The following RBPMS variants were observed in gnomAD, a reference collection of about 807,000 sequenced individuals.
RBPMS encodes RNA binding protein, mRNA processing factor.
RBPMS carries 7 observed loss-of-function variants against 26.8 expected under a neutral mutation model. That is an observed-to-expected ratio of 0.26 (90% CI 0.15 to 0.49). The LOEUF is 0.49. Ranked by LOEUF, RBPMS falls within the 20% of genes least tolerant of loss-of-function variation. The probability of loss-of-function intolerance (pLI) is 0.98; values close to 1 mark genes in which losing one functional copy is unlikely to be tolerated. For synonymous variants in RBPMS, 96 were observed against 93.3 expected, an observed-to-expected ratio of 1.03 and a Z score of -0.17; for missense variants, 186 against 250.0, an observed-to-expected ratio of 0.74 and a Z score of 1.73.
At chr8:30,392,940 A>G (rs1807956725) in intron 1 of RBPMS, among the ~76,000 whole-genome samples, 1 of 152,194 alleles carries the variant, frequency 6.6e-6, no homozygotes, top group African/African-American at 2.4e-5. Context: ...CTGATAATTG[A>G]AAGCGTGCAT....
intron 7 of RBPMS, 109 bp from the exon 8 acceptor site, chr8:30,566,148 G>A (rs578182829): frequency 6.8e-6 from 3 of 444,272 alleles, no homozygotes; most frequent in African/African-American, 4.3e-5. Flanking sequence ...CTCTTTCGGC[G>A]TTGCCTCTCT....
At chr8:30,411,796 C>G (rs1355882045) in intron 1 of RBPMS, among the ~76,000 whole-genome samples, 3 of 151,868 alleles carry the variant, frequency 2.0e-5, no homozygotes, top group Non-Finnish European at 4.4e-5. Context: ...TAGCCTTGCC[C>G]ACATGGTGAA....
intron 4 of RBPMS, among the ~76,000 whole-genome samples, chr8:30,484,562 C>T (rs1238371470): frequency 6.6e-6 from 1 of 152,044 alleles, no homozygotes; most frequent in African/African-American, 2.4e-5. Context: ...CTCAGACTTC[C>T]ATTGCAAAGA....
chr8:30,538,203 G>A lies in RBPMS; in HGVS notation c.398-6291G>A, dbSNP rs150347224. Among the ~76,000 whole-genome samples the A allele has an allele frequency of 5.3e-3, 802 of 152,244 alleles. 10 individuals are homozygous for A. The highest frequency in any genetic ancestry group is 0.018 in the African/African-American group (747 of 41,542). ...GTTCCCTGTACAGAACACAAAAACC[G>A]CCATGGTAATTAGTGCTGGGTGGTG... On this transcript the variant is annotated intron_variant, in intron 5 of 8. Transcript: ENST00000397323.
chr8:30,462,618 A>G (rs1398417196), intron 1 of RBPMS, among the ~76,000 whole-genome samples: 1 of 151,944 alleles, frequency 6.6e-6, no homozygotes, highest in Non-Finnish European at 1.5e-5. Context: ...ACGAGGTTTC[A>G]CCATGCACCA....
rs77066499 is a variant in RBPMS at position 30,535,567 on chromosome 8, A to G, written c.398-8927A>G. Among the ~76,000 whole-genome samples the G allele has an allele frequency of 8.0e-3, 1,223 of 152,330 alleles. 37 individuals carry two copies. The highest frequency in any genetic ancestry group is 0.055 in the Admixed American group (838 of 15,302). ...ATTAGATCAGCTTCATTAATTATCA[A>G]AGAAATCTACATTAAAATAATAGAC... On this transcript the variant is annotated intron_variant, in intron 5 of 8. Coordinates refer to ENST00000397323, the MANE Select transcript of RBPMS (RefSeq NM_001008710.3).
chr8:30,475,618 GATC>G (rs745605822), intron 2 of RBPMS, among the ~76,000 whole-genome samples: 8 of 152,216 alleles, frequency 5.3e-5, no homozygotes, highest in Non-Finnish European at 1.0e-4. Flanking sequence ...TCTGGTTAAA[GATC>G]ATTCTCACTG....
intron 6 of RBPMS, among the ~76,000 whole-genome samples, chr8:30,549,058 C>T (rs1192269433): frequency 6.6e-6 from 1 of 152,182 alleles, no homozygotes; most frequent in Non-Finnish European, 1.5e-5. Context: ...GCATGGGAGG[C>T]TCACAAGGCA....
At chr8:30,523,031 C>T (rs918419241) in intron 5 of RBPMS, among the ~76,000 whole-genome samples, 1 of 151,894 alleles carries the variant, frequency 6.6e-6, no homozygotes, top group Non-Finnish European at 1.5e-5. Flanking sequence ...TTTTCCTATC[C>T]CTCAAAATTA....
intron 4 of RBPMS, among the ~76,000 whole-genome samples, chr8:30,493,489 A>G (rs546845467): frequency 6.6e-6 from 1 of 152,058 alleles, no homozygotes; most frequent in South Asian, 2.1e-4. Context: ...GGATGTTTTT[A>G]TGCCTACCAG....
intron 7 of RBPMS, chr8:30,561,950 C>T (rs1827524227): frequency 8.1e-6 from 8 of 985,356 alleles, no homozygotes; most frequent in Middle Eastern, 5.2e-4. Context: ...ACAGACCCTT[C>T]AGCAATGGCT....
intron 1 of RBPMS, among the ~76,000 whole-genome samples, chr8:30,418,886 C>T (rs1810402551): frequency 6.6e-6 from 1 of 152,126 alleles, no homozygotes; most frequent in African/African-American, 2.4e-5. Context: ...GGTACTCATG[C>T]ACATGAGTAC....
At chr8:30,512,664 G>C (rs1821843623) in intron 5 of RBPMS, among the ~76,000 whole-genome samples, 1 of 152,080 alleles carries the variant, frequency 6.6e-6, no homozygotes, top group Non-Finnish European at 1.5e-5. Flanking sequence ...ATCTCGCTGT[G>C]TCTCTAACTT....
chr8:30,511,789 T>C (rs1585714739), intron 5 of RBPMS, among the ~76,000 whole-genome samples: 1 of 151,240 alleles, frequency 6.6e-6, no homozygotes, highest in East Asian at 2.0e-4. Flanking sequence ...GCACCATTCC[T>C]CTGCAGCCTG....
chr8:30,547,556 G>A (rs774273945), intron 6 of RBPMS: 7 of 1,351,668 alleles, frequency 5.2e-6, no homozygotes, highest in Non-Finnish European at 6.0e-6. Flanking sequence ...TCATGGTGAT[G>A]CAATTTTGGA....
At chr8:30,522,183 C>T (rs760703369) in intron 5 of RBPMS, among the ~76,000 whole-genome samples, 5 of 151,686 alleles carry the variant, frequency 3.3e-5, no homozygotes, top group African/African-American at 4.8e-5. Context: ...CCTATAGTCA[C>T]AGCTACTTGG....
intron 5 of RBPMS, among the ~76,000 whole-genome samples, chr8:30,532,621 C>CTT (rs540837214): frequency 6.5e-4 from 99 of 152,244 alleles, no homozygotes; most frequent in Middle Eastern, 3.4e-3. Context: ...TCAGGTGAAG[C>CTT]TTATTGAGTC....
At chr8:30,487,635 A>G (rs1563366469) in intron 4 of RBPMS, among the ~76,000 whole-genome samples, 1 of 152,156 alleles carries the variant, frequency 6.6e-6, no homozygotes, top group Non-Finnish European at 1.5e-5. Context: ...TATATGTAAA[A>G]TAAGTGAGGG....
In RBPMS at chr8:30,385,827, T is replaced by C. The variant is rs938193722; in HGVS notation, c.66+669T>C. Among the ~76,000 whole-genome samples the C allele has an allele frequency of 3.3e-5, 5 of 152,148 alleles. No homozygotes were observed. In the East Asian group the frequency reaches 9.6e-4, roughly 29 times the overall value. ...CATCGAGGGTATTTTCATAGGACTT[T>C]GACTTCTGAGCATGCATTTTAGGTG... On this transcript the variant is annotated intron_variant, in intron 1 of 8. Transcript: ENST00000397323.
Sources: allele counts gnomAD v4.1 joint callset (sites outside exome capture counted in the v4.1 genomes callset), GRCh38; gene constraint gnomAD v4.1.1; transcripts MANE v1.5; gene names NCBI Gene and HGNC (gene_info 2026-07-23, HGNC 2026-07-21).